CBFA2T3: variants seen among roughly 807,000 people sequenced by gnomAD.
CBFA2T3 encodes CBFA2/RUNX1 partner transcriptional co-repressor 3, also known as transcriptional corepressor CBFA2T3.
Under a neutral mutation model 58.6 loss-of-function variants are expected in CBFA2T3, and 31 were observed. The ratio of observed to expected loss-of-function variants is 0.53; its 90% CI spans 0.40 to 0.71. The LOEUF is 0.71. CBFA2T3 is among the 30% of genes least tolerant of loss of function. CBFA2T3 has a pLI of 0.00. For synonymous variants in CBFA2T3, 531 were observed against 421.9 expected (o/e 1.26, Z -3.17); for missense variants, 1,076 against 963.1 (o/e 1.12, Z -1.55).
In CBFA2T3 at chr16:88,885,637, GC is replaced by G. The variant is rs1969335717; in HGVS notation, c.893+323del. The stretch of plus-strand genomic sequence containing the variant: ...AAGAGCGTCTGGGGCAGCAGAGGGG[GC>G]CCAGCCCAGGCACCTGGGGACCATG... On this transcript the variant is annotated intron_variant, in intron 6 of 11. Transcript: ENST00000268679. The surrounding 1 kb of genome is among the most constrained non-coding windows in gnomAD (Gnocchi z 5.3). 1.2e-5 allele frequency: 5 copies of G among 430,186 alleles called. No individual in the cohort carries two copies. The highest frequency in any genetic ancestry group is 6.2e-5 in the African/African-American group (3 of 48,772). 26.6% of individuals were successfully genotyped at this position (430,186 alleles called of 1,614,324 possible).
At chr16:88,970,810 C>T (rs1048759190) in intron 1 of CBFA2T3, among the ~76,000 whole-genome samples, 1 of 152,254 alleles carries the variant, frequency 6.6e-6, no homozygotes, top group Admixed American at 6.5e-5. Flanking sequence ...TGCAAGCAGG[C>T]ACCAGAGCCC....
chr16:88,882,867 C>A (rs959832092), intron 7 of CBFA2T3, 106 bp from the exon 8 acceptor site: 8 of 776,300 alleles, frequency 1.0e-5, no homozygotes, highest in African/African-American at 1.7e-5. Flanking sequence ...GGGCTGTGCC[C>A]GCTGGGGACG....
intron 1 of CBFA2T3, among the ~76,000 whole-genome samples, chr16:88,930,921 A>G (rs2142767168): frequency 6.6e-6 from 1 of 150,954 alleles, no homozygotes; most frequent in Non-Finnish European, 1.5e-5. Context: ...TGTGGGAGCG[A>G]GCTGGCGGGG....
chr16:88,967,110 A>AC (rs71158773), intron 1 of CBFA2T3, among the ~76,000 whole-genome samples: 39,647 of 125,938 alleles, frequency 0.31, 7,949 homozygotes, highest in East Asian at 0.77. Flanking sequence ...GCCACCCCCA[A>AC]CCCCCAACCC....
intron 1 of CBFA2T3, among the ~76,000 whole-genome samples, chr16:88,965,753 C>G (rs942982424): frequency 6.6e-6 from 1 of 152,222 alleles, no homozygotes; most frequent in Non-Finnish European, 1.5e-5. Context: ...AAAAACGAAG[C>G]AGCATAAGGT....
Position 88,953,326 on chromosome 16 carries a change from C to A in CBFA2T3, c.151+23331G>T, listed in dbSNP as rs1029352601. On this transcript the variant is annotated intron_variant, in intron 1 of 11. Coordinates refer to ENST00000268679, the MANE Select transcript of CBFA2T3 (RefSeq NM_005187.6). This position sits in a 1 kb window ranked among gnomAD's most constrained non-coding sequence, Gnocchi z 4.9. ...GCACACAGCCAGTGGTGAAGGTTCA[C>A]GGAAGAACGAAGGAAGGAGTGAGCG... 2.0e-5 allele frequency among the ~76,000 whole-genome samples: 3 copies of A among 152,176 alleles called. No individual in the cohort carries two copies. The highest frequency in any genetic ancestry group is 1.3e-4 in the Admixed American group (2 of 15,284).
chr16:88,949,014 A>C (rs1971976907), intron 1 of CBFA2T3, among the ~76,000 whole-genome samples: 1 of 152,246 alleles, frequency 6.6e-6, no homozygotes, highest in Non-Finnish European at 1.5e-5. Context: ...CAACTGCCCC[A>C]TGTGGGGAAA....
chr16:88,976,318 C>G (rs1030160996), intron 1 of CBFA2T3, among the ~76,000 whole-genome samples: 4 of 151,996 alleles, frequency 2.6e-5, no homozygotes, highest in Non-Finnish European at 5.9e-5. Flanking sequence ...CTTTCTAGGA[C>G]CCCCCCATCA....
rs1969666997 is a variant in CBFA2T3, at chr16:88,892,278, C to G, written c.587G>C (p.Gly196Ala). The change falls in exon 4 of 12, where the codon GGG becomes GCG. Residue 196 changes from glycine (G) to alanine (A), a missense_variant. By Grantham distance (60) the Gly-to-Ala change is moderately conservative. Coordinates refer to ENST00000268679, the MANE Select transcript of CBFA2T3 (RefSeq NM_005187.6). ...QFGSDISPEIGERVRTLVLGL... is the reference protein window; with the variant it reads ...QFGSDISPEIAERVRTLVLGL... ...CAGCACCAGTGTGCGCACGCGCTCC[C>G]CAATCTCTGGGGAGATGTCGCTGCC... The G allele has an allele frequency of 1.2e-6, 2 of 1,612,014 alleles. No individual in the cohort carries two copies. The highest frequency in any genetic ancestry group is 1.7e-5 in the Admixed American group (1 of 60,004).
chr16:88,900,529 C>T (rs2968473), intron 2 of CBFA2T3, among the ~76,000 whole-genome samples: 129,612 of 152,200 alleles, frequency 0.85, 55,730 homozygotes, highest in African/African-American at 0.97. Flanking sequence ...CTTTCTGGCC[C>T]GTCAGGGACC....
chr16:88,893,581 G>A (rs553328650), intron 3 of CBFA2T3, among the ~76,000 whole-genome samples: 24 of 152,300 alleles, frequency 1.6e-4, no homozygotes, highest in African/African-American at 5.3e-4. Context: ...GGCTGGACAC[G>A]CAGATGCCCG....
At chr16:88,886,827 C>A (rs1056822227) in intron 5 of CBFA2T3, 2 of 152,464 alleles carry the variant, frequency 1.3e-5, no homozygotes, top group Non-Finnish European at 2.9e-5. Context: ...TCAAGACCCA[C>A]GTGTGCGGGT....
chr16:88,878,224 G>A lies in CBFA2T3; in HGVS notation c.1663-949C>T, dbSNP rs115018696. The stretch of plus-strand genomic sequence containing the variant: ...CCGAAACTGCACGCCTCACTTCTGC[G>A]TTTGGTGTTTCCTTCTCAGTGCCAG... On this transcript the variant is annotated intron_variant, in intron 11 of 11. Coordinates refer to ENST00000268679, the MANE Select transcript of CBFA2T3 (RefSeq NM_005187.6). Among the ~76,000 whole-genome samples, 1,191 of 152,354 alleles carry A rather than the reference G, an allele frequency of 7.8e-3. 21 individuals are homozygous for A. Among genetic ancestry groups the A allele is most frequent in the African/African-American group, 0.026 (1,101 of 41,584 alleles).
chr16:88,922,749 T>C lies in CBFA2T3; in HGVS notation c.152-21093A>G, dbSNP rs7197439. 7.0e-3 allele frequency among the ~76,000 whole-genome samples: 1,071 copies of C among 152,270 alleles called. 21 individuals carry two copies. Among genetic ancestry groups the C allele is most frequent in the African/African-American group, 0.025 (1,024 of 41,552 alleles). On this transcript the variant is annotated intron_variant, in intron 1 of 11. Transcript: ENST00000268679. ...TGGACGGCCCCTTCCTGGAATCCCA[T>C]CCCGACCTCGGAGACGGTGACACCA...
Position 88,976,825 on chromosome 16 carries a change from G to T in CBFA2T3, c.-18C>A. On this transcript the variant is annotated 5_prime_UTR_variant, in exon 1 of 12. It adds an upstream start codon to the 5' untranslated region. Coordinates refer to ENST00000268679, the MANE Select transcript of CBFA2T3 (RefSeq NM_005187.6). ...GCCGGCATGAGGAGGGCCACCCTCAGGGGCCAACCTGGAGCCCAGGACAGG... is the reference window on the plus strand; with the variant it reads ...GCCGGCATGAGGAGGGCCACCCTCATGGGCCAACCTGGAGCCCAGGACAGG... The T allele has an allele frequency of 6.5e-7, 1 of 1,543,772 alleles. No individual in the cohort carries two copies. Among genetic ancestry groups the T allele is most frequent in the Admixed American group, 2.0e-5 (1 of 50,936 alleles).
At chr16:88,967,135 G>A (rs1196527051) in intron 1 of CBFA2T3, among the ~76,000 whole-genome samples, 4 of 101,614 alleles carry the variant, frequency 3.9e-5, no homozygotes, top group African/African-American at 1.0e-4. Flanking sequence ...GGTGCCACTC[G>A]GCCCCGACAC....
At chr16:88,948,425 G>A (rs1414753778) in intron 1 of CBFA2T3, among the ~76,000 whole-genome samples, 1 of 152,222 alleles carries the variant, frequency 6.6e-6, no homozygotes. Context: ...GACCCACACT[G>A]GCCCAAGCAG....
chr16:88,947,059 C>T (rs374776093), intron 1 of CBFA2T3, among the ~76,000 whole-genome samples: 5 of 152,130 alleles, frequency 3.3e-5, no homozygotes, highest in Non-Finnish European at 7.3e-5. Flanking sequence ...AATGTAACAC[C>T]AAGAGAGAAG....
intron 2 of CBFA2T3, among the ~76,000 whole-genome samples, chr16:88,898,379 G>A (rs527583723): frequency 1.9e-4 from 29 of 150,716 alleles, no homozygotes; most frequent in African/African-American, 4.0e-4. Context: ...AGGGACGCCC[G>A]GGCCGCCGTT....
Sources: allele counts gnomAD v4.1 joint callset (sites outside exome capture counted in the v4.1 genomes callset), GRCh38; gene constraint gnomAD v4.1.1; non-coding constraint Gnocchi (gnomAD v3.1); transcripts MANE v1.5; gene names NCBI Gene and HGNC (gene_info 2026-07-23, HGNC 2026-07-21).